Variants in CELF4 observed in about 807,000 individuals in gnomAD.
CELF4 encodes the protein CUG-BP- and ETR-3-like factor 4.
In CELF4, 18 loss-of-function variants were observed where a neutral mutation model predicts 59.9. The observed-to-expected ratio is 0.30, with a 90% CI of 0.21 to 0.45. CELF4 has a LOEUF of 0.45. Ranked by LOEUF, CELF4 falls within the 20% of genes least tolerant of loss-of-function variation. The pLI, the probability that CELF4 is intolerant of heterozygous loss-of-function variation, is 1.00. For missense variants in CELF4, 456 were observed against 689.0 expected (o/e 0.66, Z 3.79); for synonymous variants, 261 against 267.1 (o/e 0.98, Z 0.22).
At chr18:37,556,113 T>A (rs1325230701) in intron 1 of CELF4, among the ~76,000 whole-genome samples, 2 of 152,192 alleles carry the variant, frequency 1.3e-5, no homozygotes, top group Non-Finnish European at 2.9e-5. Flanking sequence ...GCCTCTTGTC[T>A]CCGAGGACTT....
intron 2 of CELF4, among the ~76,000 whole-genome samples, chr18:37,353,908 C>T (rs2098514989): frequency 6.6e-6 from 1 of 151,862 alleles, no homozygotes; most frequent in African/African-American, 2.4e-5. Context: ...AGGCACTCAC[C>T]ACACGCCCAG....
intron 3 of CELF4, chr18:37,305,989 C>A (rs1318046985): frequency 6.6e-6 from 1 of 152,282 alleles, no homozygotes; most frequent in Admixed American, 6.5e-5. Context: ...GTATGGGGCA[C>A]CCACTCTGCT....
intron 1 of CELF4, among the ~76,000 whole-genome samples, chr18:37,507,378 C>T (rs995549036): frequency 1.3e-5 from 2 of 152,182 alleles, no homozygotes; most frequent in East Asian, 3.9e-4. Flanking sequence ...TGTGCATGTT[C>T]TTGTCTGCTA....
chr18:37,321,630 C>T (rs1173203944), intron 3 of CELF4, among the ~76,000 whole-genome samples, 173 bp downstream of exon 3: 1 of 152,224 alleles, frequency 6.6e-6, no homozygotes, highest in Non-Finnish European at 1.5e-5. Flanking sequence ...CCTCCTGTCT[C>T]TCTCCACACC....
At position 37,361,783 on chromosome 18, in the gene CELF4, C is replaced by T. The variant is rs192210386; in HGVS notation, c.370-39902G>A. On this transcript the variant is annotated intron_variant, in intron 2 of 12. Coordinates refer to ENST00000420428, the MANE Select transcript of CELF4 (RefSeq NM_020180.4). ...CCAGCCTCATTGGGAAGACTACCCT[C>T]GGAGATGCCCAGCCGGGGGAGCAAC... 1.3e-3 allele frequency among the ~76,000 whole-genome samples: 196 copies of T among 151,496 alleles called. 1 individual carries two copies. The highest frequency in any genetic ancestry group is 1.1e-3 in the Admixed American group (16 of 15,182).
chr18:37,517,217 T>C (rs1335242024), intron 1 of CELF4, among the ~76,000 whole-genome samples: 1 of 152,164 alleles, frequency 6.6e-6, no homozygotes, highest in Non-Finnish European at 1.5e-5. Context: ...ACTCAGAGAA[T>C]GTCCAGAGCT....
intron 2 of CELF4, among the ~76,000 whole-genome samples, chr18:37,323,277 C>T (rs562128563): frequency 3.3e-5 from 5 of 152,164 alleles, no homozygotes; most frequent in South Asian, 4.2e-4. Context: ...GCCAGCCCAC[C>T]GAGAGGGGCG....
At chr18:37,274,513 G>C (rs1410491605) in intron 5 of CELF4, 59 bp from the exon 6 acceptor site, 1 of 1,607,220 alleles carries the variant, frequency 6.2e-7, no homozygotes, top group African/African-American at 1.3e-5. Flanking sequence ...CGCAGCTGTC[G>C]GTGCCTCTGG....
rs1486863600 is a variant in CELF4, at chr18:37,253,108, G to T, written c.*44+659C>A. On this transcript the variant is annotated intron_variant, in intron 12 of 12. Transcript: ENST00000420428. This position sits in a 1 kb window ranked among gnomAD's most constrained non-coding sequence, Gnocchi z 4.5. ...GTCTTCAGCTCCTAGGCAGGACCCA[G>T]CCCAGCAGAAAAGGTAACAACGACC... Among the ~76,000 whole-genome samples the T allele has an allele frequency of 6.6e-6, 1 of 152,160 alleles. No homozygotes were observed. The highest frequency in any genetic ancestry group is 1.5e-5 in the Non-Finnish European group (1 of 68,034).
intron 3 of CELF4, chr18:37,275,830 C>T (rs4799905): frequency 0.4 from 60,385 of 152,488 alleles, 13,623 homozygotes; most frequent in Non-Finnish European, 0.52. Context: ...TCCCTGTGGC[C>T]GGAATGTCAA....
intron 10 of CELF4, among the ~76,000 whole-genome samples, chr18:37,261,982 C>T (rs2074810966): frequency 6.6e-6 from 1 of 152,202 alleles, no homozygotes; most frequent in Admixed American, 6.5e-5. Flanking sequence ...ACTCGGACAA[C>T]TCTGTGGGAC....
chr18:37,253,996 C>G lies in CELF4; in HGVS notation c.1334-58G>C. 4.7e-6 allele frequency: 2 copies of G among 427,554 alleles called. No homozygotes were observed. The highest frequency in any genetic ancestry group is 3.9e-6 in the Non-Finnish European group (1 of 254,828). 26.5% of individuals were successfully genotyped at this position (427,554 alleles called of 1,614,324 possible). On this transcript the variant is annotated intron_variant, in intron 11 of 12. Transcript: ENST00000420428. This position sits in a 1 kb window ranked among gnomAD's most constrained non-coding sequence, Gnocchi z 4.5. ...TCCACGGGGCCGCCCGGGGCGCTGC[C>G]GGCGGGGAGGGGTCGGGGGACAGGG...
At chr18:37,420,156 G>A (rs1473535427) in intron 2 of CELF4, among the ~76,000 whole-genome samples, 1 of 152,214 alleles carries the variant, frequency 6.6e-6, no homozygotes, top group East Asian at 1.9e-4. Context: ...AATAGAAGGA[G>A]CTGCAGGGGC....
chr18:37,477,663 C>A (rs2099854001), intron 2 of CELF4, among the ~76,000 whole-genome samples: 1 of 152,178 alleles, frequency 6.6e-6, no homozygotes, highest in Non-Finnish European at 1.5e-5. Context: ...CCTTCACTAC[C>A]ATTTTTGGGG....
chr18:37,384,312 C>T (rs773784948), intron 2 of CELF4, among the ~76,000 whole-genome samples: 4 of 152,088 alleles, frequency 2.6e-5, no homozygotes, highest in South Asian at 2.1e-4. Flanking sequence ...TGGACCCAGT[C>T]GGGTTGTGCT....
At chr18:37,270,739 C>T (rs376066309) in intron 8 of CELF4, 29 bp downstream of exon 8, 105 of 1,612,844 alleles carry the variant, frequency 6.5e-5, no homozygotes, top group Middle Eastern at 1.7e-4. Context: ...GTGCTGCATA[C>T]GGAAATAAGT....
At chr18:37,275,346 G>A in intron 3 of CELF4, 103 bp from the exon 4 acceptor site, 1 of 1,386,742 alleles carries the variant, frequency 7.2e-7, no homozygotes, top group Non-Finnish European at 9.6e-7. Flanking sequence ...AGGAGCCGGG[G>A]AGGCGGGGCG....
intron 2 of CELF4, among the ~76,000 whole-genome samples, chr18:37,339,780 G>A (rs189268146): frequency 2.8e-3 from 424 of 151,514 alleles, no homozygotes; most frequent in African/African-American, 9.9e-3. Flanking sequence ...AGGCCTGGGA[G>A]GCATCTTGCT....
chr18:37,282,223 G>A (rs1402655168), intron 3 of CELF4, among the ~76,000 whole-genome samples: 2 of 152,024 alleles, frequency 1.3e-5, no homozygotes, highest in Admixed American at 6.5e-5. Context: ...CCCACCCCTG[G>A]GAGTGTAGAG....
Sources: allele counts gnomAD v4.1 joint callset (sites outside exome capture counted in the v4.1 genomes callset), GRCh38; gene constraint gnomAD v4.1.1; non-coding constraint Gnocchi (gnomAD v3.1); transcripts MANE v1.5; gene names NCBI Gene and HGNC (gene_info 2026-07-23, HGNC 2026-07-21).